CSMD3: variants seen among roughly 807,000 people sequenced by gnomAD.
CSMD3 encodes the protein CUB and sushi domain-containing protein 3.
CSMD3 carries 177 observed loss-of-function variants against 435.2 expected under a neutral mutation model. The ratio of observed to expected loss-of-function variants is 0.41; its 90% CI spans 0.36 to 0.46. The LOEUF (loss-of-function observed/expected upper bound fraction) is 0.46, where lower values mean the gene tolerates loss of function less well. Among genes scored for constraint, CSMD3 ranks in the 20% least tolerant of loss-of-function variants. The probability of loss-of-function intolerance (pLI) is 0.34; values close to 1 mark genes in which losing one functional copy is unlikely to be tolerated. For synonymous variants in CSMD3, 1,656 were observed against 1,520.5 expected (o/e 1.09, Z -2.07); for missense variants, 4,265 against 4,504.6 (o/e 0.95, Z 1.52).
In CSMD3 at chr8:112,247,107, A is replaced by T; in HGVS notation, c.10135T>A (p.Cys3379Ser). The change falls in exon 64 of 71, where the codon TGC becomes AGC. Residue 3379 changes from cysteine (C) to serine (S), a missense_variant. Physicochemically the swap from Cys to Ser is moderately radical, Grantham distance 112 (BLOSUM62 -1). This residue lies in a region of CSMD3 where 3,255 missense variants were observed against 3,380.2 expected (regional missense o/e 0.96). Transcript: ENST00000297405. ...FQVGSVVQFH[C>S]KKGHLLQGST... ...CCTTGGAGAAGGTGTCCTTTTTTGCAATGGAACTGTACAACACTTCCTACC... is the reference window on the plus strand; with the variant it reads ...CCTTGGAGAAGGTGTCCTTTTTTGCTATGGAACTGTACAACACTTCCTACC... The T allele has an allele frequency of 6.2e-7, 1 of 1,613,390 alleles. No homozygotes were observed. The highest frequency in any genetic ancestry group is 8.5e-7 in the Non-Finnish European group (1 of 1,179,516).
chr8:112,434,565 C>CT (rs1008518769), intron 32 of CSMD3, among the ~76,000 whole-genome samples: 4 of 151,934 alleles, frequency 2.6e-5, no homozygotes, highest in African/African-American at 9.7e-5. Flanking sequence ...TTGTACTTTG[C>CT]TTTTTCCCAG....
intron 1 of CSMD3, among the ~76,000 whole-genome samples, chr8:113,399,534 A>G (rs1032089088): frequency 6.6e-6 from 1 of 152,044 alleles, no homozygotes; most frequent in East Asian, 1.9e-4. Context: ...TAAATGAAAA[A>G]AAAAAAGTTA....
At chr8:113,021,150 T>G (rs1023258567) in intron 5 of CSMD3, among the ~76,000 whole-genome samples, 1 of 152,226 alleles carries the variant, frequency 6.6e-6, no homozygotes, top group Admixed American at 6.5e-5. Context: ...TTTTCTCTTT[T>G]CATAGGGATG....
intron 5 of CSMD3, among the ~76,000 whole-genome samples, chr8:113,071,807 G>C (rs1001253125): frequency 6.6e-5 from 10 of 151,652 alleles, no homozygotes; most frequent in African/African-American, 1.9e-4. Context: ...GTCTTTCAGG[G>C]ATCCATATCA....
At position 112,385,314 on chromosome 8, in the gene CSMD3, A is replaced by T. The variant is rs199613008; in HGVS notation, c.5935-1651T>A. Among the ~76,000 whole-genome samples the T allele has an allele frequency of 2.0e-5, 3 of 152,192 alleles. No individual in the cohort carries two copies. In the East Asian group the frequency reaches 5.8e-4, roughly 29 times the overall value. On this transcript the variant is annotated intron_variant, in intron 36 of 70. Transcript: ENST00000297405. ...TATCAAATTCATAAATTCATTGTAA[A>T]AATTAAATTAGTTAATTCATATAAG...
chr8:112,802,647 A>T (rs560050301), intron 12 of CSMD3, among the ~76,000 whole-genome samples: 1 of 151,960 alleles, frequency 6.6e-6, no homozygotes, highest in East Asian at 1.9e-4. Flanking sequence ...AAAAGATTTT[A>T]TTTTTAATCA....
intron 5 of CSMD3, among the ~76,000 whole-genome samples, chr8:113,086,360 T>C (rs1161047628): frequency 2.0e-5 from 3 of 152,076 alleles, no homozygotes; most frequent in Admixed American, 6.5e-5. Context: ...TCTAACACTA[T>C]AAACCATGAC....
intron 66 of CSMD3, among the ~76,000 whole-genome samples, chr8:112,237,757 A>T (rs1813723751): frequency 6.6e-6 from 1 of 152,132 alleles, no homozygotes; most frequent in African/African-American, 2.4e-5. Flanking sequence ...CAGTGGGAAT[A>T]GATTTTTAAG....
intron 66 of CSMD3, 48 bp from the exon 67 acceptor site, chr8:112,237,396 A>G (rs369784946): frequency 1.5e-6 from 2 of 1,314,302 alleles, no homozygotes; most frequent in Non-Finnish European, 2.2e-6. Flanking sequence ...AATGCCATAT[A>G]AATATAAGCA....
intron 57 of CSMD3, among the ~76,000 whole-genome samples, chr8:112,288,923 A>G (rs1412102510): frequency 1.3e-5 from 2 of 152,162 alleles, no homozygotes; most frequent in Admixed American, 6.6e-5. Context: ...TTAAAATTAT[A>G]CCATTAAAGT....
At chr8:112,897,265 C>G (rs561398338) in intron 10 of CSMD3, among the ~76,000 whole-genome samples, 2 of 151,546 alleles carry the variant, frequency 1.3e-5, no homozygotes, top group East Asian at 3.9e-4. Flanking sequence ...TCAATGAGAA[C>G]AGAGACCATG....
chr8:112,976,141 A>G lies in CSMD3; in HGVS notation c.1038T>C (p.Ser346=), dbSNP rs2130935935. The G allele has an allele frequency of 1.2e-6, 2 of 1,613,980 alleles. No individual in the cohort carries two copies. The highest frequency in any genetic ancestry group is 1.7e-6 in the Non-Finnish European group (2 of 1,179,876). ...RGFSAPYQGS[S]TLTHTTSTGE... is the part of the protein sequence containing the mutation. Reference sequence around the variant, plus strand: ...CAGTGGAGGTAGTGTGGGTCAATGTAGAAGAACCTGTGGGACACAGTAGCA... The same window carrying G: ...CAGTGGAGGTAGTGTGGGTCAATGTGGAAGAACCTGTGGGACACAGTAGCA... Residue 346 remains serine, a synonymous_variant, in exon 7 of 71, where the codon TCT becomes TCC. Coordinates refer to ENST00000297405, the MANE Select transcript of CSMD3 (RefSeq NM_198123.2).
intron 5 of CSMD3, among the ~76,000 whole-genome samples, chr8:113,068,719 T>C (rs1489965864): frequency 6.6e-6 from 1 of 152,162 alleles, no homozygotes; most frequent in Non-Finnish European, 1.5e-5. Flanking sequence ...TTCTCAATTG[T>C]TAATAAATAG....
chr8:112,313,664 C>A (rs1822195002), intron 49 of CSMD3, among the ~76,000 whole-genome samples: 1 of 151,844 alleles, frequency 6.6e-6, no homozygotes, highest in Non-Finnish European at 1.5e-5. Flanking sequence ...TAATTTATAA[C>A]TGACATATAA....
intron 1 of CSMD3, among the ~76,000 whole-genome samples, chr8:113,390,853 C>T (rs995435747): frequency 6.6e-6 from 1 of 151,920 alleles, no homozygotes; most frequent in Non-Finnish European, 1.5e-5. Context: ...TGGAAAGTAT[C>T]TGGAACCTAT....
chr8:113,041,530 C>G (rs527830040), intron 5 of CSMD3, among the ~76,000 whole-genome samples: 12 of 152,080 alleles, frequency 7.9e-5, no homozygotes, highest in South Asian at 2.1e-4. Flanking sequence ...CTTGGAGGAG[C>G]CTTGGGAGGT....
chr8:113,090,166 C>A (rs1324634350), intron 5 of CSMD3, among the ~76,000 whole-genome samples: 1 of 151,854 alleles, frequency 6.6e-6, no homozygotes, highest in African/African-American at 2.4e-5. Context: ...GATTTTGGGG[C>A]TAAAATATTT....
chr8:112,522,782 A>G (rs1405245504), intron 27 of CSMD3, among the ~76,000 whole-genome samples: 3 of 151,938 alleles, frequency 2.0e-5, no homozygotes, highest in Non-Finnish European at 4.4e-5. Context: ...ACTGCAAAAT[A>G]TAACTGAGTT....
At chr8:113,148,542 C>A (rs2091731596) in intron 4 of CSMD3, among the ~76,000 whole-genome samples, 2 of 151,678 alleles carry the variant, frequency 1.3e-5, no homozygotes, top group African/African-American at 4.8e-5. Flanking sequence ...CTGTTGTGTT[C>A]ACAACTATAT....
Sources: allele counts gnomAD v4.1 joint callset (sites outside exome capture counted in the v4.1 genomes callset), GRCh38; gene constraint gnomAD v4.1.1; regional missense constraint gnomAD v4.1.1; transcripts MANE v1.5; gene names NCBI Gene and HGNC (gene_info 2026-07-23, HGNC 2026-07-21).